Variants in CDK6 observed in about 807,000 individuals in gnomAD.
CDK6 encodes cyclin dependent kinase 6.
In CDK6, 6 loss-of-function variants were observed where a neutral mutation model predicts 37.1. The ratio of observed to expected loss-of-function variants is 0.16; its 90% confidence interval spans 0.09 to 0.32. CDK6 has a LOEUF of 0.32. Ranked by LOEUF, CDK6 falls within the 10% of genes least tolerant of loss-of-function variation. CDK6 has a pLI of 1.00. For missense variants in CDK6, 224 were observed against 418.9 expected, an observed-to-expected ratio of 0.53 and a Z score of 4.06; for synonymous variants, 160 against 161.3, an observed-to-expected ratio of 0.99 and a Z score of 0.06.
chr7:92,686,503 T>C (rs1033294657), intron 4 of CDK6, among the ~76,000 whole-genome samples: 4 of 152,146 alleles, frequency 2.6e-5, no homozygotes, highest in Non-Finnish European at 5.9e-5. Context: ...GAAATATATA[T>C]ATACCACATT....
intron 4 of CDK6, among the ~76,000 whole-genome samples, chr7:92,681,514 A>C (rs1292235540): frequency 1.3e-5 from 2 of 152,246 alleles, no homozygotes; most frequent in Non-Finnish European, 2.9e-5. Context: ...AGGCCTAGAC[A>C]GCAAGCCTTT....
intron 3 of CDK6, 79 bp from the exon 4 acceptor site, chr7:92,725,872 T>A (rs2116711334): frequency 7.5e-7 from 1 of 1,328,020 alleles, no homozygotes; most frequent in Non-Finnish European, 1.1e-6. Context: ...GCCGAATCCT[T>A]AGCATTTTGT....
chr7:92,712,243 C>A (rs1798112491), intron 4 of CDK6, among the ~76,000 whole-genome samples: 1 of 151,754 alleles, frequency 6.6e-6, no homozygotes, highest in South Asian at 2.1e-4. Flanking sequence ...GAAGAACCTG[C>A]AAAAAATGCC....
chr7:92,769,288 T>C (rs954551870), intron 3 of CDK6, among the ~76,000 whole-genome samples: 1 of 152,216 alleles, frequency 6.6e-6, no homozygotes, highest in Non-Finnish European at 1.5e-5. Flanking sequence ...GACATGAACC[T>C]GGAGCTTTTC....
intron 3 of CDK6, among the ~76,000 whole-genome samples, chr7:92,748,410 T>C (rs1799109984): frequency 1.3e-5 from 2 of 152,194 alleles, no homozygotes; most frequent in South Asian, 4.1e-4. Flanking sequence ...GCCAGTATTA[T>C]TACTGGTCAG....
chr7:92,780,947 C>T (rs1799976278), intron 2 of CDK6, among the ~76,000 whole-genome samples: 1 of 152,006 alleles, frequency 6.6e-6, no homozygotes, highest in Non-Finnish European at 1.5e-5. Context: ...AATACCATTT[C>T]AAGAATTACA....
intron 2 of CDK6, among the ~76,000 whole-genome samples, chr7:92,829,361 G>A (rs1385988257): frequency 2.0e-5 from 3 of 152,062 alleles, no homozygotes; most frequent in Non-Finnish European, 4.4e-5. Flanking sequence ...GCCAATACTT[G>A]AATTTGAATT....
At chr7:92,770,167 T>A (rs1799675466) in intron 3 of CDK6, among the ~76,000 whole-genome samples, 2 of 152,126 alleles carry the variant, frequency 1.3e-5, no homozygotes, top group African/African-American at 4.8e-5. Flanking sequence ...AATTAGAATA[T>A]CTGTTGACTT....
chr7:92,802,585 CAT>C (rs1175669366), intron 2 of CDK6, among the ~76,000 whole-genome samples: 2 of 152,238 alleles, frequency 1.3e-5, no homozygotes, highest in South Asian at 4.1e-4. Context: ...GCAGCTATCA[CAT>C]GTCTTTTAAA....
Position 92,774,747 on chromosome 7 carries a change from G to C in CDK6, c.318C>G (p.Thr106=), listed in dbSNP as rs1188481987. The part of the protein sequence containing the change: ...LVFEHVDQDL[T]TYLDKVPEPG... ...GCTCTGGAACTTTATCCAAGTAAGT[G>C]GTCAAGTCTTGATCGACATGTTCAA... Residue 106 remains threonine (T), a synonymous_variant, in exon 3 of 8, where the codon ACC becomes ACG. Transcript: ENST00000424848. 1.9e-6 allele frequency: 3 copies of C among 1,611,724 alleles called. No individual in the cohort carries two copies. Among genetic ancestry groups the C allele is most frequent in the Non-Finnish European group, 2.5e-6 (3 of 1,179,040 alleles).
At chr7:92,673,469 A>T (rs1232450186) in intron 4 of CDK6, among the ~76,000 whole-genome samples, 1 of 152,216 alleles carries the variant, frequency 6.6e-6, no homozygotes, top group Non-Finnish European at 1.5e-5. Context: ...AGAAATAAAA[A>T]ACAAAACACA....
intron 4 of CDK6, chr7:92,710,871 G>T: frequency 1.0e-6 from 1 of 985,248 alleles, no homozygotes; most frequent in Non-Finnish European, 1.2e-6. Flanking sequence ...TTACAGCCAT[G>T]GACCTGAGTC....
At chr7:92,691,100 C>G (rs1042923988) in intron 4 of CDK6, among the ~76,000 whole-genome samples, 10 of 152,118 alleles carry the variant, frequency 6.6e-5, no homozygotes, top group Non-Finnish European at 1.3e-4. Context: ...GCTGTCTGTA[C>G]AGCAAATGAG....
chr7:92,705,646 C>T (rs1392738143), intron 4 of CDK6, among the ~76,000 whole-genome samples: 2 of 152,174 alleles, frequency 1.3e-5, no homozygotes, highest in African/African-American at 2.4e-5. Context: ...TATGTTTCTA[C>T]ACAACACTAC....
At chr7:92,680,514 G>T (rs1797311556) in intron 4 of CDK6, among the ~76,000 whole-genome samples, 1 of 141,036 alleles carries the variant, frequency 7.1e-6, no homozygotes, top group Non-Finnish European at 1.5e-5. Context: ...TCACCCATTT[G>T]TAATCTAAGG....
intron 3 of CDK6, among the ~76,000 whole-genome samples, chr7:92,753,490 C>CTTATTTAT (rs1045192823): frequency 6.6e-6 from 1 of 151,620 alleles, no homozygotes; most frequent in Non-Finnish European, 1.5e-5. Flanking sequence ...AGAAGATTAT[C>CTTATTTAT]TTATTTATTT....
At chr7:92,684,516 A>T (rs1797405456) in intron 4 of CDK6, among the ~76,000 whole-genome samples, 1 of 152,042 alleles carries the variant, frequency 6.6e-6, no homozygotes, top group African/African-American at 2.4e-5. Context: ...TCTGCACAGG[A>T]GCCAGAAGTC....
chr7:92,620,953 A>C (rs1485820734), intron 6 of CDK6, among the ~76,000 whole-genome samples: 1 of 152,214 alleles, frequency 6.6e-6, no homozygotes, highest in African/African-American at 2.4e-5. Flanking sequence ...CTTTCCTTAA[A>C]AAAAATTTGG....
At chr7:92,801,929 C>G (rs1423050474) in intron 2 of CDK6, among the ~76,000 whole-genome samples, 1 of 151,488 alleles carries the variant, frequency 6.6e-6, no homozygotes, top group Non-Finnish European at 1.5e-5. Context: ...CCCCGCCTCT[C>G]TTTTCGTCTC....
Sources: gnomAD v4.1 joint callset for allele counts (sites outside exome capture counted in the v4.1 genomes callset) on GRCh38, gnomAD v4.1.1 for gene constraint, MANE v1.5 for transcripts, NCBI Gene and HGNC (gene_info 2026-07-23, HGNC 2026-07-21) for gene names.